Variants in FRY observed in about 807,000 individuals in gnomAD.
FRY encodes the protein FRY microtubule binding protein.
Under a neutral mutation model 348.4 loss-of-function variants are expected in FRY, and 128 were observed. That is an observed-to-expected ratio of 0.37 (90% CI 0.32 to 0.43). The LOEUF is 0.43. Ranked by LOEUF, FRY falls within the 20% of genes least tolerant of loss-of-function variation. FRY has a pLI of 1.00. For missense variants in FRY, 2,736 were observed against 3,695.2 expected (o/e 0.74, Z 6.73); for synonymous variants, 1,370 against 1,374.7 (o/e 1.00, Z 0.08).
chr13:32,156,333 C>A (rs996930206), intron 15 of FRY, among the ~76,000 whole-genome samples: 1 of 152,120 alleles, frequency 6.6e-6, no homozygotes, highest in African/African-American at 2.4e-5. Context: ...ATAGGTTGGG[C>A]GCAGTGGCTC....
chr13:32,077,442 T>C lies in FRY; in HGVS notation c.71-1392T>C, dbSNP rs537184706. On this transcript the variant is annotated intron_variant, in intron 1 of 60. Coordinates refer to ENST00000542859, the MANE Select transcript of FRY (RefSeq NM_023037.3). ...AGATAATATGCAAGACACTTTATTA[T>C]ATTTTTGGAATTGCGAGGCCATAGT... Among the ~76,000 whole-genome samples, 9 of 152,288 alleles carry C rather than the reference T, an allele frequency of 5.9e-5. No homozygotes were observed. The East Asian group carries it at 1.2e-3, about 20-fold the overall frequency.
At chr13:32,254,819 CA>C (rs1349132688) in intron 51 of FRY, among the ~76,000 whole-genome samples, 3 of 152,330 alleles carry the variant, frequency 2.0e-5, no homozygotes, top group African/African-American at 7.2e-5. Flanking sequence ...TTGCCTGCTA[CA>C]ACATGAGACC....
chr13:32,217,071 A>G lies in FRY; in HGVS notation c.4683-1678A>G, dbSNP rs900916731. On this transcript the variant is annotated intron_variant, in intron 35 of 60. Coordinates refer to ENST00000542859, the MANE Select transcript of FRY (RefSeq NM_023037.3). ...ATCCAGGAGTTTTTGCTGAAACGTTACTCTTTCTCCACACATTAGTAAGGA... is the reference window on the plus strand; with the variant it reads ...ATCCAGGAGTTTTTGCTGAAACGTTGCTCTTTCTCCACACATTAGTAAGGA... Among the ~76,000 whole-genome samples, 28 of 152,154 alleles carry G rather than the reference A, an allele frequency of 1.8e-4. 1 individual carries two copies. The Middle Eastern group carries it at 0.01, about 55-fold the overall frequency.
chr13:32,263,549 G>A (rs1174016236), intron 53 of FRY, among the ~76,000 whole-genome samples: 1 of 151,870 alleles, frequency 6.6e-6, no homozygotes, highest in East Asian at 1.9e-4. Context: ...AAAACAAAAA[G>A]CCCAGAAAGA....
chr13:32,239,946 C>T lies in FRY; in HGVS notation c.6687+65C>T. 1 of 1,435,636 alleles carries T rather than the reference C, an allele frequency of 7.0e-7. No individual in the cohort carries two copies. Among genetic ancestry groups the T allele is most frequent in the Non-Finnish European group, 9.7e-7 (1 of 1,036,150 alleles). The allele number at this position is 1,435,636 out of a possible 1,614,324, so 88.9% of individuals were successfully genotyped here. A position where few individuals can be genotyped will look rare whatever the true frequency, so the allele number is the denominator to read the frequency against. ...TATGTTGCCCAGGCTGATCTCAACT[C>T]TTGGGCTCAAGCAGTCCTCCTGCCT... On this transcript the variant is annotated intron_variant, in intron 46 of 60. Coordinates refer to ENST00000542859, the MANE Select transcript of FRY (RefSeq NM_023037.3). The surrounding 1 kb of genome is among the most constrained non-coding windows in gnomAD (Gnocchi z 4.3).
intron 55 of FRY, among the ~76,000 whole-genome samples, chr13:32,271,669 G>C (rs1405155633): frequency 6.6e-6 from 1 of 152,200 alleles, no homozygotes; most frequent in Non-Finnish European, 1.5e-5. Context: ...GTGGCTATAG[G>C]AGTGAAAGGC....
At chr13:32,057,875 G>A (rs1873725817) in intron 1 of FRY, among the ~76,000 whole-genome samples, 1 of 152,164 alleles carries the variant, frequency 6.6e-6, no homozygotes, top group Non-Finnish European at 1.5e-5. Flanking sequence ...CAGGAGAATG[G>A]CGTGAACCCG....
chr13:32,197,842 C>G (rs141799974), intron 29 of FRY, among the ~76,000 whole-genome samples: 1 of 152,324 alleles, frequency 6.6e-6, no homozygotes, highest in East Asian at 1.9e-4. Context: ...CTCCTCTCTT[C>G]TAGATAGTTT....
intron 58 of FRY, among the ~76,000 whole-genome samples, chr13:32,284,514 A>G (rs184862057): frequency 3.6e-4 from 55 of 152,330 alleles, no homozygotes; most frequent in African/African-American, 1.2e-3. Flanking sequence ...TAGCTTACAG[A>G]TTTCTTGAAA....
intron 42 of FRY, 71 bp from the exon 43 acceptor site, chr13:32,236,007 A>T: frequency 9.5e-7 from 1 of 1,049,800 alleles, no homozygotes; most frequent in Non-Finnish European, 1.5e-6. Flanking sequence ...AGTTTACATT[A>T]ATTAAATTTA....
chr13:32,211,150 A>G, intron 34 of FRY, 116 bp downstream of exon 34: 1 of 981,180 alleles, frequency 1.0e-6, no homozygotes, highest in Middle Eastern at 3.0e-4. Flanking sequence ...CTGTGTGTGC[A>G]TTCAGTTAAG....
chr13:32,183,138 C>T (rs1882809440), intron 24 of FRY, 104 bp downstream of exon 24: 1 of 653,988 alleles, frequency 1.5e-6, no homozygotes, highest in Non-Finnish European at 2.8e-6. Flanking sequence ...CCCCTAACAC[C>T]TTTTAACAAA....
intron 11 of FRY, among the ~76,000 whole-genome samples, chr13:32,139,034 G>A (rs746845707): frequency 5.3e-5 from 8 of 152,102 alleles, no homozygotes; most frequent in African/African-American, 7.2e-5. Context: ...AATTCACTAC[G>A]TCAAGGCTAA....
intron 17 of FRY, among the ~76,000 whole-genome samples, chr13:32,161,493 T>C (rs1379380039): frequency 6.6e-6 from 1 of 152,148 alleles, no homozygotes; most frequent in Non-Finnish European, 1.5e-5. Flanking sequence ...TTGTGCAAAC[T>C]AATGGCACAA....
chr13:32,201,315 G>T (rs1400593047), intron 29 of FRY, among the ~76,000 whole-genome samples: 1 of 152,148 alleles, frequency 6.6e-6, no homozygotes, highest in Non-Finnish European at 1.5e-5. Flanking sequence ...CTTCAGAAAA[G>T]ACTTCTCTAC....
intron 8 of FRY, among the ~76,000 whole-genome samples, chr13:32,133,764 CTTTCTTTTTTTTTTT>C (rs1879523995): frequency 9.2e-6 from 1 of 108,486 alleles, no homozygotes. Flanking sequence ...TTCTTTCTTT[CTTTCTTTTTTTTTTT>C]TTTTTTTTTT....
chr13:32,274,564 C>A (rs190129848), intron 55 of FRY, among the ~76,000 whole-genome samples: 1 of 151,516 alleles, frequency 6.6e-6, no homozygotes, highest in Non-Finnish European at 1.5e-5. Flanking sequence ...ATTAGCCAGG[C>A]GTGGTGGCAG....
chr13:32,194,741 T>C (rs1883573617), intron 29 of FRY, among the ~76,000 whole-genome samples: 1 of 152,106 alleles, frequency 6.6e-6, no homozygotes, highest in Non-Finnish European at 1.5e-5. Context: ...GAAAAGAAAA[T>C]GTGATACCAA....
At chr13:32,236,022 A>G (rs913631090) in intron 42 of FRY, 56 bp from the exon 43 acceptor site, 3 of 1,144,478 alleles carry the variant, frequency 2.6e-6, no homozygotes, top group Non-Finnish European at 4.0e-6. Flanking sequence ...AATTTATCTT[A>G]GGAAATTAAC....
Sources: gnomAD v4.1 joint callset for allele counts (sites outside exome capture counted in the v4.1 genomes callset) on GRCh38, gnomAD v4.1.1 for gene constraint, Gnocchi (gnomAD v3.1) non-coding constraint, MANE v1.5 for transcripts, NCBI Gene and HGNC (gene_info 2026-07-23, HGNC 2026-07-21) for gene names.